Variants in UGT1A3 observed in about 807,000 individuals in gnomAD.
UGT1A3 encodes the protein UDP-glucuronosyltransferase 1A3.
Under a neutral mutation model 41.0 loss-of-function variants are expected in UGT1A3, and 31 were observed. The observed-to-expected ratio is 0.76, with a 90% CI of 0.57 to 1.02. UGT1A3 has a LOEUF of 1.02. UGT1A3 is among the 50% of genes least tolerant of loss of function. The pLI, the probability that UGT1A3 is intolerant of heterozygous loss-of-function variation, is 0.00. For missense variants in UGT1A3, 737 were observed against 671.0 expected (o/e 1.10, Z -1.09); for synonymous variants, 262 against 257.6 (o/e 1.02, Z -0.17).
rs144684818 is a variant in UGT1A3, at chr2:233,763,987, G to A, written c.868-3047G>A. On this transcript the variant is annotated intron_variant, in intron 1 of 4. Transcript: ENST00000482026. ...GATATATGTGGGTTACTGGGAATGC[G>A]TGATGGTGAAGTCACAGATGACCCA... 4.9e-3 allele frequency among the ~76,000 whole-genome samples: 743 copies of A among 152,304 alleles called. 10 individuals are homozygous for A. The highest frequency in any genetic ancestry group is 0.017 in the African/African-American group (695 of 41,566).
chr2:233,760,282 G>A (rs2125981806), intron 1 of UGT1A3: 1 of 1,612,868 alleles, frequency 6.2e-7, no homozygotes, highest in Non-Finnish European at 8.5e-7. Flanking sequence ...CAGGAGCAAA[G>A]GCGCCATGGC....
At chr2:233,750,427 C>A (rs900891099) in intron 1 of UGT1A3, among the ~76,000 whole-genome samples, 6 of 151,902 alleles carry the variant, frequency 3.9e-5, no homozygotes, top group African/African-American at 1.5e-4. Flanking sequence ...AAGAAAAACC[C>A]ATTTTATGGG....
At position 233,729,870 on chromosome 2, in the gene UGT1A3, T is replaced by A; in HGVS notation, c.744T>A (p.Ile248=). 1 of 1,613,848 alleles carries A rather than the reference T, an allele frequency of 6.2e-7. No homozygotes were observed. The highest frequency in any genetic ancestry group is 1.1e-5 in the South Asian group (1 of 91,054). The change falls in exon 1 of 5, where the codon ATT becomes ATA. Residue 248 remains isoleucine, a synonymous_variant. Coordinates refer to ENST00000482026, the MANE Select transcript of UGT1A3 (RefSeq NM_019093.4). ...LFQREVSVVD[I]LSHASVWLFR... is the part of the protein sequence containing the mutation. ...AGAGAGAGGTGTCAGTGGTGGATAT[T>A]CTCAGTCATGCATCTGTGTGGCTGT... is the stretch of plus-strand genomic sequence containing the variant.
At position 233,760,169 on chromosome 2, in the gene UGT1A3, T is replaced by C. The variant is rs928164877; in HGVS notation, c.868-6865T>C. 1.4e-5 allele frequency: 21 copies of C among 1,529,168 alleles called. No homozygotes were observed. In the African/African-American group the frequency reaches 2.9e-4, roughly 21 times the overall value. 94.7% of individuals were successfully genotyped at this position (1,529,168 alleles called of 1,614,324 possible). A position where few individuals can be genotyped will look rare whatever the true frequency, so the allele number is the denominator to read the frequency against. On this transcript the variant is annotated intron_variant, in intron 1 of 4. Coordinates refer to ENST00000482026, the MANE Select transcript of UGT1A3 (RefSeq NM_019093.4). ...TGAACTCCCTGCTACCTTTGTGGACTGACAGCTTTTTATAGTCACGTGACA... is the reference window on the plus strand; with the variant it reads ...TGAACTCCCTGCTACCTTTGTGGACCGACAGCTTTTTATAGTCACGTGACA...
chr2:233,754,256 G>T (rs1695431509), intron 1 of UGT1A3: 1 of 171,288 alleles, frequency 5.8e-6, no homozygotes, highest in Admixed American at 5.6e-5. Flanking sequence ...AACGGAAAAA[G>T]GTAAGGCTCA....
chr2:233,760,168 C>A, intron 1 of UGT1A3: 1 of 1,526,138 alleles, frequency 6.6e-7, no homozygotes, highest in Non-Finnish European at 8.8e-7. Flanking sequence ...CCTTTGTGGA[C>A]TGACAGCTTT....
intron 1 of UGT1A3, among the ~76,000 whole-genome samples, chr2:233,750,094 GAGAGCTC>G (rs2125902484): frequency 6.6e-6 from 1 of 152,024 alleles, no homozygotes; most frequent in South Asian, 2.1e-4. Context: ...GAACAGTTTG[GAGAGCTC>G]AGAAGAAGAC....
chr2:233,730,725 A>G (rs1270546313), intron 1 of UGT1A3, among the ~76,000 whole-genome samples: 1 of 152,146 alleles, frequency 6.6e-6, no homozygotes, highest in Admixed American at 6.5e-5. Flanking sequence ...TTATCAAGAA[A>G]TGGCGGAAGG....
chr2:233,754,969 T>A, intron 1 of UGT1A3: 6 of 1,302,646 alleles, frequency 4.6e-6, no homozygotes, highest in Non-Finnish European at 6.2e-6. Context: ...AAGAACTCCC[T>A]GAAGACCTCG....
intron 1 of UGT1A3, among the ~76,000 whole-genome samples, chr2:233,734,104 A>T (rs1173344990): frequency 6.6e-6 from 1 of 151,308 alleles, no homozygotes; most frequent in African/African-American, 2.4e-5. Context: ...CTTAAAGTAT[A>T]ATAATAATAA....
chr2:233,743,984 C>T (rs1692627890), intron 1 of UGT1A3: 2 of 1,291,724 alleles, frequency 1.5e-6, no homozygotes, highest in South Asian at 1.3e-5. Context: ...CACCCAGGCG[C>T]AGGCCCGAGT....
chr2:233,730,218 T>C (rs2078001973), intron 1 of UGT1A3, among the ~76,000 whole-genome samples: 1 of 152,086 alleles, frequency 6.6e-6, no homozygotes, highest in Admixed American at 6.5e-5. Context: ...ACACGAATGT[T>C]TGTAAAAGGA....
chr2:233,739,861 AT>A (rs1559383666), intron 1 of UGT1A3, among the ~76,000 whole-genome samples: 1 of 151,974 alleles, frequency 6.6e-6, no homozygotes, highest in African/African-American at 2.4e-5. Context: ...AGAGGGCAGA[AT>A]GATATGATTT....
At chr2:233,733,583 G>C (rs2078417703) in intron 1 of UGT1A3, among the ~76,000 whole-genome samples, 2 of 152,122 alleles carry the variant, frequency 1.3e-5, no homozygotes, top group Admixed American at 1.3e-4. Context: ...TTTGTCATTG[G>C]TTCTGTTTAT....
rs1478646241 is a variant in UGT1A3 at position 233,729,941 on chromosome 2, A to T, written c.815A>T (p.Asn272Ile). The change falls in exon 1 of 5, where the codon AAC becomes ATC. Residue 272 changes from asparagine to isoleucine, a missense_variant. Asn to Ile is a moderately radical substitution (Grantham distance 149). Transcript: ENST00000482026. The part of the protein sequence containing the change: ...VMDYPRPIMP[N>I]MVFIGGINCA... ...GACTACCCCAGGCCAATCATGCCCA[A>T]CATGGTCTTCATTGGGGGCATCAAC... 1 of 1,613,962 alleles carries T rather than the reference A, an allele frequency of 6.2e-7. No individual in the cohort carries two copies. The highest frequency in any genetic ancestry group is 1.3e-5 in the African/African-American group (1 of 74,932).
At chr2:233,739,315 GAGA>G (rs1462380897) in intron 1 of UGT1A3, among the ~76,000 whole-genome samples, 27 of 152,314 alleles carry the variant, frequency 1.8e-4, no homozygotes, top group African/African-American at 5.5e-4. Context: ...GTGGAGTTGT[GAGA>G]AGAAGGCCAC....
chr2:233,748,218 T>C (rs1484955806), intron 1 of UGT1A3: 56 of 1,469,990 alleles, frequency 3.8e-5, no homozygotes, highest in Admixed American at 8.3e-5. Context: ...TTCAGTGAGA[T>C]AAACTGTTAA....
chr2:233,731,982 T>C (rs936253936), intron 1 of UGT1A3, among the ~76,000 whole-genome samples: 5 of 152,356 alleles, frequency 3.3e-5, no homozygotes, highest in Admixed American at 2.0e-4. Context: ...CCATTCTAAC[T>C]GGCGTGAGAT....
chr2:233,757,265 C>T (rs1416331195), intron 1 of UGT1A3, among the ~76,000 whole-genome samples: 2 of 116,902 alleles, frequency 1.7e-5, no homozygotes, highest in Non-Finnish European at 3.3e-5. Flanking sequence ...AGGTGGCAGC[C>T]GATGCAATGA....
Sources: gnomAD v4.1 joint callset for allele counts (sites outside exome capture counted in the v4.1 genomes callset) on GRCh38, gnomAD v4.1.1 for gene constraint, MANE v1.5 for transcripts, NCBI Gene and HGNC (gene_info 2026-07-23, HGNC 2026-07-21) for gene names.